The following EPHA3 variants were observed in gnomAD, a reference collection of about 807,000 sequenced individuals.
EPHA3 encodes the protein ephrin type-A receptor 3.
EPHA3 carries 42 observed loss-of-function variants against 107.1 expected under a neutral mutation model. The ratio of observed to expected loss-of-function variants is 0.39; its 90% CI spans 0.31 to 0.51. EPHA3 has a LOEUF of 0.51. Among genes scored for constraint, EPHA3 ranks in the 20% least tolerant of loss-of-function variants. EPHA3 has a pLI of 0.78. For missense variants in EPHA3, 1,183 were observed against 1,211.2 expected, an observed-to-expected ratio of 0.98 and a Z score of 0.35; for synonymous variants, 461 against 424.8, an observed-to-expected ratio of 1.09 and a Z score of -1.05.
At position 89,409,138 on chromosome 3, in the gene EPHA3, A is replaced by G. The variant is rs1397978638; in HGVS notation, c.1762+1007A>G. Among the ~76,000 whole-genome samples the G allele has an allele frequency of 3.3e-5, 5 of 152,240 alleles. No homozygotes were observed. In the South Asian group the frequency reaches 6.2e-4, roughly 19 times the overall value. ...AAGCAGTATAGGAGTTTGAAGAAGCATTATTTTGTTCATCCAATTGCAGCG... is the reference window on the plus strand; with the variant it reads ...AAGCAGTATAGGAGTTTGAAGAAGCGTTATTTTGTTCATCCAATTGCAGCG... On this transcript the variant is annotated intron_variant, in intron 9 of 16. Transcript: ENST00000336596.
At chr3:89,246,979 G>A (rs1044490330) in intron 3 of EPHA3, among the ~76,000 whole-genome samples, 4 of 152,136 alleles carry the variant, frequency 2.6e-5, no homozygotes, top group African/African-American at 7.2e-5. Flanking sequence ...ATAGCATGTA[G>A]CATGTAGTGC....
At chr3:89,252,316 A>G (rs1359545134) in intron 3 of EPHA3, among the ~76,000 whole-genome samples, 1 of 152,212 alleles carries the variant, frequency 6.6e-6, no homozygotes, top group African/African-American at 2.4e-5. Flanking sequence ...TTCCAGAATC[A>G]GAGAGAATAT....
chr3:89,468,617 C>T (rs547896432), intron 15 of EPHA3, among the ~76,000 whole-genome samples: 16 of 152,090 alleles, frequency 1.1e-4, no homozygotes, highest in Non-Finnish European at 1.5e-4. Context: ...GTGGCGTGTG[C>T]GCGCGCATGC....
chr3:89,165,272 G>T lies in EPHA3; in HGVS notation c.153+37999G>T, dbSNP rs190473627. On this transcript the variant is annotated intron_variant, in intron 2 of 16. Coordinates refer to ENST00000336596, the MANE Select transcript of EPHA3 (RefSeq NM_005233.6). ...ACTTAAAATAAGACAAATTGCCAAT[G>T]CTTAACTAATCCTCAAAAGCAGATC... 2.1e-4 allele frequency among the ~76,000 whole-genome samples: 32 copies of T among 152,258 alleles called. No homozygotes were observed. In the East Asian group the frequency reaches 2.7e-3, roughly 13 times the overall value.
In EPHA3 at chr3:89,300,389, G is replaced by A. The variant is rs769052766; in HGVS notation, c.815-40527G>A. On this transcript the variant is annotated intron_variant, in intron 3 of 16. Transcript: ENST00000336596. Reference sequence around the variant, plus strand: ...AAGTATATGTTTCAAACTTATATACGTAAAGTTTGATATATTGACAATGCT... The same window carrying A: ...AAGTATATGTTTCAAACTTATATACATAAAGTTTGATATATTGACAATGCT... Among the ~76,000 whole-genome samples, 135 of 151,638 alleles carry A rather than the reference G, an allele frequency of 8.9e-4. 1 individual carries two copies. The highest frequency in any genetic ancestry group is 8.7e-4 in the Non-Finnish European group (59 of 67,848).
chr3:89,382,725 G>A (rs566071366), intron 5 of EPHA3, among the ~76,000 whole-genome samples: 4 of 152,074 alleles, frequency 2.6e-5, no homozygotes, highest in Non-Finnish European at 4.4e-5. Context: ...CTAGCAGTCT[G>A]GTACCTGACC....
chr3:89,185,999 T>A (rs1429512377), intron 2 of EPHA3, among the ~76,000 whole-genome samples: 7 of 152,052 alleles, frequency 4.6e-5, no homozygotes, highest in Non-Finnish European at 8.8e-5. Context: ...TCCTTCTTTT[T>A]ACTTTCTCTT....
At chr3:89,361,257 T>C (rs1708084877) in intron 5 of EPHA3, among the ~76,000 whole-genome samples, 1 of 151,070 alleles carries the variant, frequency 6.6e-6, no homozygotes, top group South Asian at 2.1e-4. Context: ...ATTCCTAATC[T>C]ATACTTTTTG....
intron 10 of EPHA3, among the ~76,000 whole-genome samples, chr3:89,418,732 T>A (rs1709298413): frequency 6.6e-6 from 1 of 151,586 alleles, no homozygotes; most frequent in South Asian, 2.1e-4. Flanking sequence ...TGATAGCAGA[T>A]GCTTTCCTTC....
chr3:89,314,336 A>G, intron 3 of EPHA3, among the ~76,000 whole-genome samples: 1 of 152,060 alleles, frequency 6.6e-6, no homozygotes, highest in Non-Finnish European at 1.5e-5. Flanking sequence ...TGTTAGAGGT[A>G]TGTGACTAAC....
chr3:89,183,029 T>C (rs1049932599), intron 2 of EPHA3, among the ~76,000 whole-genome samples: 2 of 151,958 alleles, frequency 1.3e-5, no homozygotes, highest in African/African-American at 2.4e-5. Flanking sequence ...GGAAAACTGA[T>C]TACAAATGTG....
chr3:89,213,087 C>T (rs986381595), intron 3 of EPHA3, among the ~76,000 whole-genome samples: 8 of 151,884 alleles, frequency 5.3e-5, no homozygotes, highest in African/African-American at 1.9e-4. Flanking sequence ...CTGACAGAGG[C>T]GCTAGAGAAA....
intron 3 of EPHA3, among the ~76,000 whole-genome samples, chr3:89,259,143 A>T (rs1705356681): frequency 6.6e-6 from 1 of 152,120 alleles, no homozygotes; most frequent in Non-Finnish European, 1.5e-5. Flanking sequence ...TCAAAATATT[A>T]TTTTTTAAAT....
In EPHA3 at chr3:89,257,416, C is replaced by T. The variant is rs1705310870; in HGVS notation, c.814+46896C>T. ...CCACTCCCTTTTCCTTATCCCACTC[C>T]CTTCTCAAAACAACAAGGTGATCTT... On this transcript the variant is annotated intron_variant, in intron 3 of 16. Transcript: ENST00000336596. Among the ~76,000 whole-genome samples the T allele has an allele frequency of 3.3e-5, 5 of 152,130 alleles. No individual in the cohort carries two copies. In the South Asian group the frequency reaches 1.0e-3, roughly 32 times the overall value.
At chr3:89,110,546 T>G (rs1367236498) in intron 1 of EPHA3, among the ~76,000 whole-genome samples, 1 of 151,998 alleles carries the variant, frequency 6.6e-6, no homozygotes, top group Non-Finnish European at 1.5e-5. Context: ...TAACAGATAT[T>G]CATAATTCCA....
intron 3 of EPHA3, among the ~76,000 whole-genome samples, chr3:89,336,088 A>G (rs541441685): frequency 2.0e-5 from 3 of 152,128 alleles, no homozygotes; most frequent in Non-Finnish European, 2.9e-5. Context: ...TTTCTTTGGT[A>G]TTCTCTAATA....
At chr3:89,136,490 A>G (rs1313152159) in intron 2 of EPHA3, among the ~76,000 whole-genome samples, 1 of 151,272 alleles carries the variant, frequency 6.6e-6, no homozygotes, top group East Asian at 1.9e-4. Flanking sequence ...TGGTGCTTTA[A>G]AAAAATAGAA....
intron 1 of EPHA3, among the ~76,000 whole-genome samples, chr3:89,111,515 C>T (rs577238107): frequency 1.5e-5 from 2 of 136,988 alleles, no homozygotes; most frequent in Non-Finnish European, 3.2e-5. Flanking sequence ...ACATCCCCCC[C>T]CCACCCCGCC....
chr3:89,152,288 A>G (rs769415228), intron 2 of EPHA3, among the ~76,000 whole-genome samples: 1 of 152,062 alleles, frequency 6.6e-6, no homozygotes, highest in Non-Finnish European at 1.5e-5. Context: ...TAGAATTAAC[A>G]TAATACTCTC....
Sources: gnomAD v4.1 joint callset for allele counts (sites outside exome capture counted in the v4.1 genomes callset) on GRCh38, gnomAD v4.1.1 for gene constraint, MANE v1.5 for transcripts, NCBI Gene and HGNC (gene_info 2026-07-23, HGNC 2026-07-21) for gene names.